Variants in DYNC1H1 observed in about 807,000 individuals in gnomAD.
DYNC1H1 encodes dynein cytoplasmic 1 heavy chain 1.
DYNC1H1 carries 51 observed loss-of-function variants against 527.1 expected under a neutral mutation model. The ratio of observed to expected loss-of-function variants is 0.10; its 90% CI spans 0.08 to 0.12. The LOEUF (loss-of-function observed/expected upper bound fraction) is 0.12. DYNC1H1 is among the 10% of genes least tolerant of loss of function. The pLI is 1.00. For synonymous variants in DYNC1H1, 2,189 were observed against 2,278.8 expected (o/e 0.96, Z 1.12); for missense variants, 2,771 against 5,971.8 (o/e 0.46, Z 17.66).
At position 102,015,659 on chromosome 14, in the gene DYNC1H1, T is replaced by G. The variant is rs978253448; in HGVS notation, c.7243-197T>G. ...GATGAAAGACTGCCCTTTTCCATGT[T>G]CAGTGGGAAAACCAAAGTTCCTGGG... On this transcript the variant is annotated intron_variant, in intron 35 of 77. Coordinates refer to ENST00000360184, the MANE Select transcript of DYNC1H1 (RefSeq NM_001376.5). This position sits in a 1 kb window ranked among gnomAD's most constrained non-coding sequence, Gnocchi z 6.9. Among the ~76,000 whole-genome samples, 12 of 152,216 alleles carry G rather than the reference T, an allele frequency of 7.9e-5. No individual in the cohort carries two copies. Among genetic ancestry groups the G allele is most frequent in the Non-Finnish European group, 1.8e-4 (12 of 68,028 alleles).
chr14:101,987,982 G>A (rs905348486), intron 9 of DYNC1H1, among the ~76,000 whole-genome samples: 10 of 152,130 alleles, frequency 6.6e-5, no homozygotes, highest in Non-Finnish European at 1.0e-4. Context: ...GGAAACTGAG[G>A]CGGGAGGATC....
intron 15 of DYNC1H1, among the ~76,000 whole-genome samples, chr14:101,996,621 T>A (rs2048065915): frequency 6.6e-6 from 1 of 152,050 alleles, no homozygotes; most frequent in Admixed American, 6.6e-5. Context: ...TGTGTTGATC[T>A]TCTGTGTTTT....
At position 102,033,167 on chromosome 14, in the gene DYNC1H1, A is replaced by G. The variant is rs867202471; in HGVS notation, c.10182A>G (p.Lys3394=). ...CCCTGGCTTGCGGCCCTATGGTGAA[A>G]TGGGCAATTGCACAGGTGATTAACA... is the stretch of plus-strand genomic sequence containing the variant. The part of the protein sequence containing the change: ...RASLACGPMV[K]WAIAQLNYAD... The change falls in exon 53 of 78, where the codon AAA becomes AAG. Residue 3394 remains lysine (K), a synonymous_variant. Transcript: ENST00000360184. The surrounding 1 kb of genome is among the most constrained non-coding windows in gnomAD (Gnocchi z 5.6). The G allele has an allele frequency of 5.6e-6, 9 of 1,614,232 alleles. No homozygotes were observed. In the Middle Eastern group the frequency reaches 1.5e-3, roughly 266 times the overall value.
intron 1 of DYNC1H1, among the ~76,000 whole-genome samples, chr14:101,972,570 A>G (rs754504683): frequency 6.6e-6 from 1 of 152,234 alleles, no homozygotes; most frequent in African/African-American, 2.4e-5. Context: ...AGCGCTCACC[A>G]CACAGCGGTG....
intron 7 of DYNC1H1, among the ~76,000 whole-genome samples, chr14:101,984,584 G>A (rs945836507): frequency 2.7e-5 from 4 of 148,108 alleles, no homozygotes; most frequent in East Asian, 2.1e-4. Flanking sequence ...CCGAGTAGCC[G>A]GAATTACAGG....
Position 101,979,623 on chromosome 14 carries a change from A to G in DYNC1H1, c.519-96A>G. 6.2e-7 allele frequency: 1 copy of G among 1,607,744 alleles called. No individual in the cohort carries two copies. Among genetic ancestry groups the G allele is most frequent in the Non-Finnish European group, 8.5e-7 (1 of 1,176,272 alleles). On this transcript the variant is annotated intron_variant, in intron 3 of 77. Transcript: ENST00000360184. This position sits in a 1 kb window ranked among gnomAD's most constrained non-coding sequence, Gnocchi z 4.6. ...GGATATAAACCCTGTGTATTAATAA[A>G]TATGTGTGTCATTACTATTTGACAG...
At chr14:101,992,154 C>G (rs184165220) in intron 11 of DYNC1H1, among the ~76,000 whole-genome samples, 17 of 152,142 alleles carry the variant, frequency 1.1e-4, no homozygotes, top group Non-Finnish European at 2.2e-4. Context: ...CTCAAAAGAC[C>G]ATTTAGTCCC....
chr14:102,007,616 G>A (rs113877910), intron 28 of DYNC1H1, among the ~76,000 whole-genome samples: 4 of 152,254 alleles, frequency 2.6e-5, no homozygotes, highest in African/African-American at 9.6e-5. Flanking sequence ...AGCCACCGTG[G>A]GAGTAGGTAG....
rs372841424 is a variant in DYNC1H1, at chr14:102,001,432, C to G, written c.4395+78C>G. The G allele has an allele frequency of 4.1e-5, 66 of 1,612,658 alleles. No homozygotes were observed. The highest frequency in any genetic ancestry group is 1.1e-4 in the East Asian group (5 of 44,878). The stretch of plus-strand genomic sequence containing the variant: ...AGATCTGAGCTATGTAAAAATGGAG[C>G]CTTGTCATCTGTGGTCCTTTTGGTT... On this transcript the variant is annotated intron_variant, in intron 20 of 77. Transcript: ENST00000360184. This position sits in a 1 kb window ranked among gnomAD's most constrained non-coding sequence, Gnocchi z 5.0.
intron 5 of DYNC1H1, among the ~76,000 whole-genome samples, chr14:101,981,028 G>A (rs2047857434): frequency 6.6e-6 from 1 of 152,212 alleles, no homozygotes; most frequent in Admixed American, 6.5e-5. Flanking sequence ...ATTCTGACAA[G>A]TGGCCAAAAT....
At chr14:102,023,104 A>T (rs2048405772) in intron 43 of DYNC1H1, 1 of 629,726 alleles carries the variant, frequency 1.6e-6, no homozygotes, top group African/African-American at 1.8e-5. Flanking sequence ...CTCTACAAAA[A>T]AATTTGAAAA....
Position 102,010,628 on chromosome 14 carries a change from G to A in DYNC1H1, c.6406-112G>A, listed in dbSNP as rs1397561701. 2 of 1,510,994 alleles carry A rather than the reference G, an allele frequency of 1.3e-6. No individual in the cohort carries two copies. The highest frequency in any genetic ancestry group is 3.7e-5 in the Admixed American group (2 of 54,670). The allele number at this position is 1,510,994 out of a possible 1,614,324, so 93.6% of individuals were successfully genotyped here. A position where few individuals can be genotyped will look rare whatever the true frequency, so the allele number is the denominator to read the frequency against. ...GTCGAGTGCACGAATGTGGGCGAGT[G>A]GTGCTCGCACCCTTTGTTCACCAAC... On this transcript the variant is annotated intron_variant, in intron 31 of 77. Transcript: ENST00000360184. This position sits in a 1 kb window ranked among gnomAD's most constrained non-coding sequence, Gnocchi z 6.0.
chr14:101,994,186 G>A lies in DYNC1H1; in HGVS notation c.3018G>A (p.Val1006=), dbSNP rs1190104487. 3.7e-6 allele frequency: 6 copies of A among 1,614,160 alleles called. No individual in the cohort carries two copies. The highest frequency in any genetic ancestry group is 5.1e-6 in the Non-Finnish European group (6 of 1,180,034). ...TCATTTCGGCTTTGGTTGGCTAGGT[G>A]GGTGTACATTACGAATTGACTGAGG... ...LPRIQSQRYQ[V]GVHYELTEEE... is the part of the protein sequence containing the mutation. The change falls in exon 12 of 78, where the codon GTG becomes GTA. Residue 1006 remains valine (V), a splice_region_variant and synonymous_variant. Transcript: ENST00000360184.
chr14:102,005,252 G>A lies in DYNC1H1; in HGVS notation c.5433+16G>A. 1 of 1,614,048 alleles carries A rather than the reference G, an allele frequency of 6.2e-7. No homozygotes were observed. The highest frequency in any genetic ancestry group is 8.5e-7 in the Non-Finnish European group (1 of 1,180,016). ...AGAACACTTGGTTAGTCTCACACCT[G>A]ACTCCTTCCTTACCAGTTAGACTCT... On this transcript the variant is annotated intron_variant, in intron 26 of 77. Coordinates refer to ENST00000360184, the MANE Select transcript of DYNC1H1 (RefSeq NM_001376.5). The surrounding 1 kb of genome is among the most constrained non-coding windows in gnomAD (Gnocchi z 4.0).
intron 72 of DYNC1H1, among the ~76,000 whole-genome samples, chr14:102,046,711 C>G (rs527733012): frequency 3.9e-5 from 6 of 152,220 alleles, no homozygotes; most frequent in Non-Finnish European, 7.4e-5. Context: ...GAAAGCCGGC[C>G]GGGGCTTGGC....
rs781673531 is a variant in DYNC1H1, at chr14:102,042,380, G to A, written c.12276-4G>A. ...GCTGTGTGACTCTCACTTTGTGTGT[G>A]CAGGTGGGTGATGCTGAAGAATGTG... On this transcript the variant is annotated splice_region_variant and splice_polypyrimidine_tract_variant and intron_variant, in intron 67 of 77. Transcript: ENST00000360184. The surrounding 1 kb of genome is among the most constrained non-coding windows in gnomAD (Gnocchi z 5.7). 2.5e-6 allele frequency: 4 copies of A among 1,614,202 alleles called. No homozygotes were observed. The Admixed American group carries it at 6.7e-5, about 27-fold the overall frequency.
At chr14:102,040,455 T>C (rs2048634750) in intron 63 of DYNC1H1, 45 bp downstream of exon 63, 2 of 1,613,848 alleles carry the variant, frequency 1.2e-6, no homozygotes, top group Non-Finnish European at 1.7e-6. Context: ...TGTTGGCCTT[T>C]TCCCAGGAAA....
Position 102,017,839 on chromosome 14 carries a change from G to A in DYNC1H1, c.8177+335G>A. The A allele has an allele frequency of 2.7e-6, 1 of 367,768 alleles. No homozygotes were observed. Among genetic ancestry groups the A allele is most frequent in the South Asian group, 2.2e-5 (1 of 45,182 alleles). 22.8% of individuals were successfully genotyped at this position (367,768 alleles called of 1,614,324 possible). A position where few individuals can be genotyped will look rare whatever the true frequency, so the allele number is the denominator to read the frequency against. ...AACAAAATTAAGGCCGGGCGTGGTG[G>A]CTTACGCCTGTAATCCCAGCACTTT... On this transcript the variant is annotated intron_variant, in intron 40 of 77. Transcript: ENST00000360184. The surrounding 1 kb of genome is among the most constrained non-coding windows in gnomAD (Gnocchi z 4.6).
rs758883115 is a variant in DYNC1H1 at position 102,049,673 on chromosome 14, T to G, written c.13516-41T>G. The stretch of plus-strand genomic sequence containing the variant: ...TGGGGAAAAACACAGGGCCCAGGTC[T>G]GACCTGAGCTCCTTCCCCTGGGGGC... On this transcript the variant is annotated intron_variant, in intron 75 of 77. Coordinates refer to ENST00000360184, the MANE Select transcript of DYNC1H1 (RefSeq NM_001376.5). The surrounding 1 kb of genome is among the most constrained non-coding windows in gnomAD (Gnocchi z 5.5). 1 of 1,613,738 alleles carries G rather than the reference T, an allele frequency of 6.2e-7. No homozygotes were observed. The highest frequency in any genetic ancestry group is 8.5e-7 in the Non-Finnish European group (1 of 1,180,018).
Sources: gnomAD v4.1 joint callset for allele counts (sites outside exome capture counted in the v4.1 genomes callset) on GRCh38, gnomAD v4.1.1 for gene constraint, Gnocchi (gnomAD v3.1) non-coding constraint, MANE v1.5 for transcripts, NCBI Gene and HGNC (gene_info 2026-07-23, HGNC 2026-07-21) for gene names.